Variants in PLAG1 observed in about 807,000 individuals in gnomAD.
PLAG1 encodes the protein PLAG1 zinc finger, also known as zinc finger protein PLAG1.
PLAG1 carries 7 observed loss-of-function variants against 35.5 expected under a neutral mutation model. That is an observed-to-expected ratio of 0.20 (90% CI 0.11 to 0.37). The LOEUF is 0.37. Among genes scored for constraint, PLAG1 ranks in the 10% least tolerant of loss-of-function variants. The pLI is 1.00. For synonymous variants in PLAG1, 229 were observed against 225.4 expected, an observed-to-expected ratio of 1.02 and a Z score of -0.14; for missense variants, 454 against 602.8, an observed-to-expected ratio of 0.75 and a Z score of 2.58.
At chr8:56,175,094 G>A (rs1042574849) in intron 2 of PLAG1, among the ~76,000 whole-genome samples, 2 of 152,264 alleles carry the variant, frequency 1.3e-5, no homozygotes, top group Non-Finnish European at 2.9e-5. Context: ...AATTGAATAA[G>A]CTAATAGAAC....
chr8:56,194,634 TTGTG>T (rs1051582614), intron 1 of PLAG1, among the ~76,000 whole-genome samples: 1 of 150,232 alleles, frequency 6.7e-6, no homozygotes, highest in Non-Finnish European at 1.5e-5. Context: ...GTGTGTGTGT[TTGTG>T]TGTGTGTGGC....
At chr8:56,198,200 G>A (rs1414065775) in intron 1 of PLAG1, among the ~76,000 whole-genome samples, 1 of 152,248 alleles carries the variant, frequency 6.6e-6, no homozygotes, top group African/African-American at 2.4e-5. Context: ...GACAGAGAAA[G>A]TGGGGTGGAG....
chr8:56,179,478 G>T lies in PLAG1; in HGVS notation c.-286C>A. On this transcript the variant is annotated 5_prime_UTR_variant, in exon 2 of 5. Transcript: ENST00000316981. The stretch of plus-strand genomic sequence containing the variant: ...ACCGTCACAGAATGAAGCATTCTGG[G>T]TGCCAAATACGGCCAAGGCAGCACC... The T allele has an allele frequency of 1.0e-6, 1 of 979,972 alleles. No homozygotes were observed. Among genetic ancestry groups the T allele is most frequent in the East Asian group, 1.1e-4 (1 of 8,788 alleles). The allele number at this position is 979,972 out of a possible 1,614,324, so 60.7% of individuals were successfully genotyped here. A position where few individuals can be genotyped will look rare whatever the true frequency, so the allele number is the denominator to read the frequency against.
In PLAG1 at chr8:56,166,081, TCA is replaced by T. The variant is rs1446637664; in HGVS notation, c.*160_*161del. The T allele has an allele frequency of 2.2e-6, 1 of 450,920 alleles. No homozygotes were observed. The highest frequency in any genetic ancestry group is 4.0e-6 in the Non-Finnish European group (1 of 252,002). 27.9% of individuals were successfully genotyped at this position (450,920 alleles called of 1,614,324 possible). A position where few individuals can be genotyped will look rare whatever the true frequency, so the allele number is the denominator to read the frequency against. ...AACTGAACACAAATGGTTCCAAAGC[TCA>T]GTTTAAAAGCTAGTTTCTATTTTAT... is the stretch of plus-strand genomic sequence containing the variant. On this transcript the variant is annotated 3_prime_UTR_variant, in exon 5 of 5. Coordinates refer to ENST00000316981, the MANE Select transcript of PLAG1 (RefSeq NM_002655.3).
chr8:56,193,695 CTT>C (rs760038291), intron 1 of PLAG1, among the ~76,000 whole-genome samples: 12 of 130,762 alleles, frequency 9.2e-5, no homozygotes, highest in African/African-American at 8.5e-5. Context: ...ATTAGGTAAA[CTT>C]TTTTTTTTTT....
chr8:56,193,521 C>T (rs1812250338), intron 1 of PLAG1, among the ~76,000 whole-genome samples: 1 of 152,108 alleles, frequency 6.6e-6, no homozygotes, highest in African/African-American at 2.4e-5. Context: ...TCTTCTCCAA[C>T]CTAAGGAATG....
At chr8:56,197,133 G>C (rs531773689) in intron 1 of PLAG1, among the ~76,000 whole-genome samples, 1 of 152,122 alleles carries the variant, frequency 6.6e-6, no homozygotes, top group African/African-American at 2.4e-5. Flanking sequence ...CTGCAGACCA[G>C]GTGTCTGTGT....
intron 1 of PLAG1, among the ~76,000 whole-genome samples, chr8:56,199,834 A>G (rs960177425): frequency 2.6e-5 from 4 of 152,184 alleles, no homozygotes; most frequent in African/African-American, 9.7e-5. Flanking sequence ...TAAGCTAGAC[A>G]TCTGGTGAGA....
At chr8:56,168,773 A>G (rs1585777669) in intron 3 of PLAG1, among the ~76,000 whole-genome samples, 1 of 152,244 alleles carries the variant, frequency 6.6e-6, no homozygotes, top group East Asian at 1.9e-4. Context: ...CAAATATTTC[A>G]GTCTCTAAAA....
intron 3 of PLAG1, among the ~76,000 whole-genome samples, chr8:56,170,695 TAAGAAA>T (rs746793888): frequency 2.8e-4 from 43 of 152,120 alleles, no homozygotes; most frequent in Admixed American, 1.2e-3. Flanking sequence ...GAATTCCAGT[TAAGAAA>T]AACAACTTCT....
rs765459935 is a variant in PLAG1 at position 56,166,584 on chromosome 8, T to C, written c.1162A>G (p.Ile388Val). ...SSSKLGLDPQ[I>V]GSLDDGAGDL... ...CCTGCACCATCATCTAGGGACCCAA[T>C]CTGAGGATCCAACCCTAGCTTAGAT... The change falls in exon 5 of 5, where the codon ATT (isoleucine) becomes GTT (valine). Residue 388 changes from isoleucine (I) to valine (V), a missense_variant. By Grantham distance (29) the Ile-to-Val change is conservative. Coordinates refer to ENST00000316981, the MANE Select transcript of PLAG1 (RefSeq NM_002655.3). 4.3e-6 allele frequency: 7 copies of C among 1,613,788 alleles called. No homozygotes were observed. In the South Asian group the frequency reaches 5.5e-5, roughly 13 times the overall value.
intron 3 of PLAG1, among the ~76,000 whole-genome samples, chr8:56,170,626 T>G (rs1172622432): frequency 6.6e-6 from 1 of 152,138 alleles, no homozygotes; most frequent in Admixed American, 6.6e-5. Context: ...TATCTGAAAA[T>G]ACTTCAAAGA....
intron 1 of PLAG1, among the ~76,000 whole-genome samples, chr8:56,194,878 T>G (rs1403580866): frequency 6.6e-6 from 1 of 152,046 alleles, no homozygotes; most frequent in African/African-American, 2.4e-5. Flanking sequence ...AAGAAGTCAG[T>G]GGGACCAAAC....
At chr8:56,188,279 T>C (rs193269630) in intron 1 of PLAG1, among the ~76,000 whole-genome samples, 46 of 152,238 alleles carry the variant, frequency 3.0e-4, no homozygotes, top group Non-Finnish European at 5.4e-4. Flanking sequence ...GCGGGGAAGA[T>C]GCAGGGAGGG....
chr8:56,198,582 C>T (rs1471268491), intron 1 of PLAG1, among the ~76,000 whole-genome samples: 1 of 152,216 alleles, frequency 6.6e-6, no homozygotes, highest in Non-Finnish European at 1.5e-5. Context: ...TGGCTTTCTG[C>T]CCGGTCCCCT....
intron 1 of PLAG1, among the ~76,000 whole-genome samples, chr8:56,208,053 T>C (rs1365966070): frequency 2.0e-5 from 3 of 152,074 alleles, no homozygotes; most frequent in Non-Finnish European, 4.4e-5. Flanking sequence ...GATAATCTAA[T>C]ATAACTTGAA....
chr8:56,178,843 C>T (rs539064318), intron 2 of PLAG1, among the ~76,000 whole-genome samples: 1 of 151,976 alleles, frequency 6.6e-6, no homozygotes, highest in South Asian at 2.1e-4. Context: ...GATTCTGTGA[C>T]ACTGAGCTGC....
At chr8:56,199,734 C>G (rs186291153) in intron 1 of PLAG1, among the ~76,000 whole-genome samples, 7 of 152,066 alleles carry the variant, frequency 4.6e-5, no homozygotes, top group African/African-American at 1.4e-4. Flanking sequence ...CACCACCCCC[C>G]CCGATCCTCC....
At chr8:56,208,017 T>C (rs1001625932) in intron 1 of PLAG1, among the ~76,000 whole-genome samples, 5 of 152,120 alleles carry the variant, frequency 3.3e-5, no homozygotes, top group Non-Finnish European at 5.9e-5. Flanking sequence ...AAACCAGTCA[T>C]AGTGTCCAAA....
Sources: allele counts gnomAD v4.1 joint callset (sites outside exome capture counted in the v4.1 genomes callset), GRCh38; gene constraint gnomAD v4.1.1; transcripts MANE v1.5; gene names NCBI Gene and HGNC (gene_info 2026-07-23, HGNC 2026-07-21).